ERBB4: variants seen among roughly 807,000 people sequenced by gnomAD.
ERBB4 encodes the protein erb-b2 receptor tyrosine kinase 4.
Under a neutral mutation model 158.0 loss-of-function variants are expected in ERBB4, and 42 were observed. The observed-to-expected ratio is 0.27, with a 90% CI of 0.21 to 0.34. The LOEUF (loss-of-function observed/expected upper bound fraction) is 0.34. Among genes scored for constraint, ERBB4 ranks in the 10% least tolerant of loss-of-function variants. The pLI is 1.00. For synonymous variants in ERBB4, 583 were observed against 558.7 expected, an observed-to-expected ratio of 1.04 and a Z score of -0.61; for missense variants, 1,333 against 1,624.1, an observed-to-expected ratio of 0.82 and a Z score of 3.08.
chr2:211,868,198 G>A (rs1399112716), intron 3 of ERBB4, among the ~76,000 whole-genome samples: 3 of 152,180 alleles, frequency 2.0e-5, no homozygotes, highest in African/African-American at 4.8e-5. Context: ...AGAATGATGA[G>A]TCATTTCTGG....
intron 2 of ERBB4, among the ~76,000 whole-genome samples, chr2:212,090,850 T>C (rs1482945650): frequency 6.6e-6 from 1 of 152,192 alleles, no homozygotes; most frequent in Non-Finnish European, 1.5e-5. Flanking sequence ...CCTCTCTTCA[T>C]GTCCACTATC....
intron 1 of ERBB4, among the ~76,000 whole-genome samples, chr2:212,482,650 C>T (rs1459604883): frequency 6.6e-6 from 1 of 152,150 alleles, no homozygotes; most frequent in Non-Finnish European, 1.5e-5. Flanking sequence ...CGAAGACTTG[C>T]TCTGTTGCCA....
At chr2:212,353,418 ATAT>A (rs1255180319) in intron 1 of ERBB4, among the ~76,000 whole-genome samples, 9 of 149,268 alleles carry the variant, frequency 6.0e-5, no homozygotes, top group South Asian at 2.1e-4. Context: ...TTTGTATAAA[ATAT>A]TATATAAATA....
intron 2 of ERBB4, among the ~76,000 whole-genome samples, chr2:212,060,712 A>G (rs979743893): frequency 6.7e-6 from 1 of 150,164 alleles, no homozygotes. Context: ...TCTCAAGGAT[A>G]AAAAACCAAA....
chr2:211,592,591 TC>T, intron 19 of ERBB4, among the ~76,000 whole-genome samples: 1 of 152,056 alleles, frequency 6.6e-6, no homozygotes, highest in Non-Finnish European at 1.5e-5. Context: ...ATTTCAAGGT[TC>T]CAAAACATAA....
chr2:211,505,024 T>A (rs1021780280), intron 20 of ERBB4, among the ~76,000 whole-genome samples: 31 of 152,088 alleles, frequency 2.0e-4, no homozygotes, highest in African/African-American at 2.4e-5. Flanking sequence ...TTGGAAAACA[T>A]ATTAGAAGGA....
intron 17 of ERBB4, among the ~76,000 whole-genome samples, chr2:211,625,806 GA>G (rs377386774): frequency 1.6e-4 from 24 of 152,200 alleles, no homozygotes; most frequent in East Asian, 1.5e-3. Flanking sequence ...AAAATACTGG[GA>G]GGGGGCTTCA....
intron 1 of ERBB4, among the ~76,000 whole-genome samples, chr2:212,522,625 C>A (rs1010438175): frequency 6.6e-6 from 1 of 151,908 alleles, no homozygotes; most frequent in African/African-American, 2.4e-5. Context: ...CACAGCCAGA[C>A]AGAAGCATTG....
intron 14 of ERBB4, among the ~76,000 whole-genome samples, chr2:211,669,230 A>G (rs1055912143): frequency 6.6e-6 from 1 of 150,586 alleles, no homozygotes; most frequent in South Asian, 2.1e-4. Context: ...AAAAAAAAAA[A>G]AAAAAAAAGA....
intron 1 of ERBB4, among the ~76,000 whole-genome samples, chr2:212,201,414 C>G (rs1199156403): frequency 6.6e-6 from 1 of 152,048 alleles, no homozygotes; most frequent in East Asian, 1.9e-4. Context: ...GATAGTGGAT[C>G]CTGTCATTCT....
chr2:212,325,034 G>A (rs1421486567), intron 1 of ERBB4, among the ~76,000 whole-genome samples: 1 of 150,416 alleles, frequency 6.6e-6, no homozygotes, highest in East Asian at 1.9e-4. Context: ...AAAACTCTAG[G>A]CCTCTACCTT....
At chr2:211,982,626 T>C (rs934259568) in intron 2 of ERBB4, among the ~76,000 whole-genome samples, 4 of 152,142 alleles carry the variant, frequency 2.6e-5, no homozygotes, top group Admixed American at 2.0e-4. Flanking sequence ...TGGGAGTCCT[T>C]TCAATAGAAT....
chr2:212,433,098 T>C (rs2092065374), intron 1 of ERBB4, among the ~76,000 whole-genome samples: 1 of 152,040 alleles, frequency 6.6e-6, no homozygotes, highest in East Asian at 1.9e-4. Flanking sequence ...TACTACAGTA[T>C]AGAGAGTTAC....
chr2:211,736,556 T>C (rs1218364442), intron 5 of ERBB4, among the ~76,000 whole-genome samples: 1 of 152,198 alleles, frequency 6.6e-6, no homozygotes, highest in Non-Finnish European at 1.5e-5. Flanking sequence ...TCTTCTTATA[T>C]ATGTACAGCA....
intron 2 of ERBB4, among the ~76,000 whole-genome samples, chr2:212,036,609 TGCCCGCCACCAC>T (rs1385240716): frequency 6.6e-6 from 1 of 151,788 alleles, no homozygotes; most frequent in African/African-American, 2.4e-5. Context: ...GGACTACAGG[TGCCCGCCACCAC>T]GCCCAGCTAA....
chr2:212,167,788 A>G (rs1342487443), intron 1 of ERBB4, among the ~76,000 whole-genome samples: 1 of 152,178 alleles, frequency 6.6e-6, no homozygotes, highest in Non-Finnish European at 1.5e-5. Flanking sequence ...TGTCCTTTGC[A>G]GGGACATGAA....
At chr2:212,511,861 T>G (rs967046032) in intron 1 of ERBB4, among the ~76,000 whole-genome samples, 2 of 152,188 alleles carry the variant, frequency 1.3e-5, no homozygotes, top group African/African-American at 4.8e-5. Flanking sequence ...CCATTTTGCC[T>G]TTTTGGGGAT....
intron 1 of ERBB4, among the ~76,000 whole-genome samples, chr2:212,196,957 C>T (rs1312681938): frequency 6.6e-6 from 1 of 152,134 alleles, no homozygotes; most frequent in Non-Finnish European, 1.5e-5. Flanking sequence ...GGTAGCAACC[C>T]ACATTTGAAA....
chr2:212,236,113 G>A (rs1574491200), intron 1 of ERBB4, among the ~76,000 whole-genome samples: 1 of 152,092 alleles, frequency 6.6e-6, no homozygotes, highest in Non-Finnish European at 1.5e-5. Flanking sequence ...TTGTCATAAA[G>A]AGCTCTTATT....
Sources: allele counts gnomAD v4.1 joint callset (sites outside exome capture counted in the v4.1 genomes callset), GRCh38; gene constraint gnomAD v4.1.1; transcripts MANE v1.5; gene names NCBI Gene and HGNC (gene_info 2026-07-23, HGNC 2026-07-21).